TRIM67: variants seen among roughly 807,000 people sequenced by gnomAD.
TRIM67 encodes the protein tripartite motif containing 67.
Under a neutral mutation model 71.0 loss-of-function variants are expected in TRIM67, and 39 were observed. The observed-to-expected ratio is 0.55, with a 90% CI of 0.43 to 0.72. The LOEUF is 0.72. TRIM67 is among the 30% of genes least tolerant of loss of function. TRIM67 has a pLI of 0.00. For synonymous variants in TRIM67, 481 were observed against 473.9 expected, an observed-to-expected ratio of 1.01 and a Z score of -0.19; for missense variants, 973 against 1,079.2, an observed-to-expected ratio of 0.90 and a Z score of 1.38.
At chr1:231,190,710 C>T (rs571922890) in intron 1 of TRIM67, among the ~76,000 whole-genome samples, 1 of 152,308 alleles carries the variant, frequency 6.6e-6, no homozygotes, top group South Asian at 2.1e-4. Flanking sequence ...GTCTCTGTGG[C>T]CTGGATCCTC....
chr1:231,219,469 G>C lies in TRIM67; in HGVS notation c.*4029G>C, dbSNP rs1684090144. On this transcript the variant is annotated 3_prime_UTR_variant, in exon 10 of 10. Coordinates refer to ENST00000366653, the MANE Select transcript of TRIM67 (RefSeq NM_001004342.5). ...TGACAAAGCTGCCAGCCTTTATCTT[G>C]ATACCCAAGCCCAGGATTTTCCATG... 9.5e-7 allele frequency: 1 copy of C among 1,052,460 alleles called. No individual in the cohort carries two copies. Among genetic ancestry groups the C allele is most frequent in the Non-Finnish European group, 1.1e-6 (1 of 871,438 alleles). The allele number at this position is 1,052,460 out of a possible 1,614,324, so 65.2% of individuals were successfully genotyped here.
chr1:231,181,186 G>C (rs531276684), intron 1 of TRIM67, among the ~76,000 whole-genome samples: 1 of 152,268 alleles, frequency 6.6e-6, no homozygotes, highest in South Asian at 2.1e-4. Context: ...GGATGGTCTC[G>C]ATGTCTTGAC....
chr1:231,191,796 T>C (rs1683237479), intron 1 of TRIM67, among the ~76,000 whole-genome samples: 1 of 152,136 alleles, frequency 6.6e-6, no homozygotes, highest in Non-Finnish European at 1.5e-5. Flanking sequence ...ATGCCCAGTG[T>C]GGGAGAGGAT....
chr1:231,185,589 C>A (rs1359162369), intron 1 of TRIM67, among the ~76,000 whole-genome samples: 10 of 151,790 alleles, frequency 6.6e-5, no homozygotes, highest in Admixed American at 6.6e-4. Context: ...CCTAGGGGAG[C>A]CCAGACGCGT....
rs575282490 is a variant in TRIM67 at position 231,215,863 on chromosome 1, G to A, written c.*423G>A. On this transcript the variant is annotated 3_prime_UTR_variant, in exon 10 of 10. Transcript: ENST00000366653. ...GAGCTGCGCTGTAATCCCACGCCCCGGGTGTTGGCCCTCCGTGGGGACCTT... is the reference window on the plus strand; with the variant it reads ...GAGCTGCGCTGTAATCCCACGCCCCAGGTGTTGGCCCTCCGTGGGGACCTT... 2.6e-5 allele frequency: 26 copies of A among 1,001,118 alleles called. No homozygotes were observed. In the African/African-American group the frequency reaches 3.4e-4, roughly 13 times the overall value. 62.0% of individuals were successfully genotyped at this position (1,001,118 alleles called of 1,614,324 possible).
At chr1:231,187,288 G>A (rs1683108847) in intron 1 of TRIM67, among the ~76,000 whole-genome samples, 1 of 152,172 alleles carries the variant, frequency 6.6e-6, no homozygotes, top group Non-Finnish European at 1.5e-5. Context: ...AAAGGAGAAG[G>A]AGATCATCTG....
chr1:231,174,104 G>C (rs1454560693), intron 1 of TRIM67, among the ~76,000 whole-genome samples: 1 of 149,208 alleles, frequency 6.7e-6, no homozygotes, highest in African/African-American at 2.5e-5. Context: ...GCTTGCTATT[G>C]TCACACAGTT....
chr1:231,219,919 C>A lies in TRIM67; in HGVS notation c.*4479C>A. 11 of 1,289,858 alleles carry A rather than the reference C, an allele frequency of 8.5e-6. No individual in the cohort carries two copies. Among genetic ancestry groups the A allele is most frequent in the Non-Finnish European group, 1.1e-5 (11 of 988,902 alleles). The allele number at this position is 1,289,858 out of a possible 1,614,324, so 79.9% of individuals were successfully genotyped here. Reference sequence around the variant, plus strand: ...TCGGGCAGGATGTATTGATCAGACACCAAGTTCAGCCCTCGGTTACTTCCC... The same window carrying A: ...TCGGGCAGGATGTATTGATCAGACAACAAGTTCAGCCCTCGGTTACTTCCC... On this transcript the variant is annotated 3_prime_UTR_variant, in exon 10 of 10. Coordinates refer to ENST00000366653, the MANE Select transcript of TRIM67 (RefSeq NM_001004342.5).
chr1:231,210,310 T>C (rs1558307782), intron 8 of TRIM67, among the ~76,000 whole-genome samples: 1 of 152,090 alleles, frequency 6.6e-6, no homozygotes. Context: ...CTGCAGCTCC[T>C]ATAACAGCCC....
rs1481005334 is a variant in TRIM67, at chr1:231,219,586, C to A, written c.*4146C>A. On this transcript the variant is annotated 3_prime_UTR_variant, in exon 10 of 10. Coordinates refer to ENST00000366653, the MANE Select transcript of TRIM67 (RefSeq NM_001004342.5). ...CTTGAATTTTCACTCACTGAAGATGCCCCCTGCCCGCTCCCCACTTCCTAG... is the reference window on the plus strand; with the variant it reads ...CTTGAATTTTCACTCACTGAAGATGACCCCTGCCCGCTCCCCACTTCCTAG... 3 of 1,107,618 alleles carry A rather than the reference C, an allele frequency of 2.7e-6. No homozygotes were observed. Among genetic ancestry groups the A allele is most frequent in the African/African-American group, 3.3e-5 (2 of 59,872 alleles). The allele number at this position is 1,107,618 out of a possible 1,614,324, so 68.6% of individuals were successfully genotyped here.
In TRIM67 at chr1:231,217,948, T is replaced by TG. The variant is rs1045425595; in HGVS notation, c.*2513dup. 1.1e-4 allele frequency: 144 copies of TG among 1,266,396 alleles called. No individual in the cohort carries two copies. Among genetic ancestry groups the TG allele is most frequent in the Non-Finnish European group, 1.4e-4 (138 of 978,218 alleles). 78.4% of individuals were successfully genotyped at this position (1,266,396 alleles called of 1,614,324 possible). ...CTCCTCCCCACTGCCACCCTGAGCT[T>TG]GGGGGCTGGGATTCTCCCTTTTCTG... On this transcript the variant is annotated 3_prime_UTR_variant, in exon 10 of 10. Transcript: ENST00000366653.
chr1:231,186,108 C>CTGAATGAATACATCGG, intron 1 of TRIM67: 5 of 1,533,190 alleles, frequency 3.3e-6, no homozygotes, highest in Non-Finnish European at 4.4e-6. Flanking sequence ...CAGTCGCTTG[C>CTGAATGAATACATCGG]TGAATGAATA....
At chr1:231,170,995 A>G (rs1472999834) in intron 1 of TRIM67, among the ~76,000 whole-genome samples, 2 of 152,170 alleles carry the variant, frequency 1.3e-5, no homozygotes, top group Admixed American at 6.5e-5. Context: ...AGTTCTGCTG[A>G]CTCATGATTT....
chr1:231,197,034 G>C (rs956565822), intron 1 of TRIM67, among the ~76,000 whole-genome samples: 6 of 152,184 alleles, frequency 3.9e-5, no homozygotes, highest in African/African-American at 1.4e-4. Context: ...GGATAGAGGG[G>C]GCCAGGCCAA....
intron 6 of TRIM67, among the ~76,000 whole-genome samples, chr1:231,204,435 G>C (rs1397130467): frequency 6.6e-6 from 1 of 152,114 alleles, no homozygotes; most frequent in African/African-American, 2.4e-5. Flanking sequence ...CAAGGTGCTG[G>C]GCATATAGAG....
intron 8 of TRIM67, among the ~76,000 whole-genome samples, chr1:231,213,570 A>T (rs1331346503): frequency 2.6e-5 from 4 of 152,142 alleles, no homozygotes; most frequent in Non-Finnish European, 5.9e-5. Flanking sequence ...TCTACAAAAA[A>T]CACAAACAAA....
intron 1 of TRIM67, among the ~76,000 whole-genome samples, chr1:231,171,509 G>T (rs1356931671): frequency 6.6e-6 from 1 of 152,056 alleles, no homozygotes; most frequent in Non-Finnish European, 1.5e-5. Flanking sequence ...TTTCGGTGGG[G>T]GTGCTGCCCA....
At chr1:231,211,050 A>ATGTT (rs1553328757) in intron 8 of TRIM67, among the ~76,000 whole-genome samples, 1 of 135,612 alleles carries the variant, frequency 7.4e-6, no homozygotes, top group Non-Finnish European at 1.5e-5. Context: ...ATATATATAT[A>ATGTT]TTTTGTTTGT....
rs59741362 is a variant in TRIM67, at chr1:231,217,702, C to T, written c.*2262C>T. ...CTGGGGAAGGCTGTGGAGCCTCCACCATCACCACAGCCCAGGTCACCAGGT... is the reference window on the plus strand; with the variant it reads ...CTGGGGAAGGCTGTGGAGCCTCCACTATCACCACAGCCCAGGTCACCAGGT... On this transcript the variant is annotated 3_prime_UTR_variant, in exon 10 of 10. Transcript: ENST00000366653. The T allele has an allele frequency of 2.5e-6, 3 of 1,207,098 alleles. No homozygotes were observed. The highest frequency in any genetic ancestry group is 2.1e-6 in the Non-Finnish European group (2 of 947,570). 74.8% of individuals were successfully genotyped at this position (1,207,098 alleles called of 1,614,324 possible). A position where few individuals can be genotyped will look rare whatever the true frequency, so the allele number is the denominator to read the frequency against.
Sources: allele counts gnomAD v4.1 joint callset (sites outside exome capture counted in the v4.1 genomes callset), GRCh38; gene constraint gnomAD v4.1.1; transcripts MANE v1.5; gene names NCBI Gene and HGNC (gene_info 2026-07-23, HGNC 2026-07-21).